PIN4: variants seen among roughly 807,000 people sequenced by gnomAD.
PIN4 encodes the protein peptidylprolyl cis/trans isomerase, NIMA-interacting 4, also known as peptidyl-prolyl cis-trans isomerase NIMA-interacting 4.
PIN4 carries 3 observed loss-of-function variants against 8.3 expected under a neutral mutation model. That is an observed-to-expected ratio of 0.36 (90% CI 0.16 to 0.93). The LOEUF (loss-of-function observed/expected upper bound fraction) is 0.93. PIN4 is among the 40% of genes least tolerant of loss of function. The pLI is 0.44. For missense variants in PIN4, 75 were observed against 100.6 expected, an observed-to-expected ratio of 0.75 and a Z score of 1.09; for synonymous variants, 18 against 32.5, an observed-to-expected ratio of 0.55 and a Z score of 1.52.
chrX:72,185,147 CAAAAA>C (rs746215043), intron 1 of PIN4, among the ~76,000 whole-genome samples: 1 of 24,449 alleles, frequency 4.1e-5, no homozygotes, highest in Non-Finnish European at 7.8e-5. Context: ...GACTCCGTCT[CAAAAA>C]AAAAAAAAAA....
In PIN4 at chrX:72,215,804, G is replaced by A. The variant is rs192906831; in HGVS notation, c.312+18900G>A. On this transcript the variant is annotated intron_variant, in intron 3 of 3. Transcript: ENST00000423432. Reference sequence around the variant, plus strand: ...CCTTTCTGCTGTGCTTAAAACCACTGATAACTACATCCCTCCTGAAGTTTT... The same window carrying A: ...CCTTTCTGCTGTGCTTAAAACCACTAATAACTACATCCCTCCTGAAGTTTT... Among the ~76,000 whole-genome samples the A allele has an allele frequency of 1.1e-4, 12 of 110,856 alleles. No homozygotes were observed. The East Asian group carries it at 3.4e-3, about 32-fold the overall frequency.
intron 3 of PIN4, among the ~76,000 whole-genome samples, chrX:72,225,086 G>T (rs1016465792): frequency 3.6e-5 from 4 of 111,608 alleles, no homozygotes; most frequent in Non-Finnish European, 7.5e-5. Context: ...TTATCCTATT[G>T]TTCCCAAACC....
chrX:72,253,622 C>T (rs1453783470), intron 3 of PIN4, among the ~76,000 whole-genome samples: 1 of 108,955 alleles, frequency 9.2e-6, no homozygotes, highest in Non-Finnish European at 1.9e-5. Context: ...AACACTCCAT[C>T]TCAAAAAAAG....
intron 2 of PIN4, among the ~76,000 whole-genome samples, chrX:72,193,395 G>T (rs1310427024): frequency 9.1e-6 from 1 of 110,240 alleles, no homozygotes; most frequent in Admixed American, 9.8e-5. Context: ...ATTATCATAG[G>T]AGATGACAGT....
At chrX:72,254,217 C>T (rs2043099694) in intron 3 of PIN4, among the ~76,000 whole-genome samples, 2 of 111,510 alleles carry the variant, frequency 1.8e-5, no homozygotes, top group Non-Finnish European at 3.8e-5. Context: ...TTTGAACAAC[C>T]ATGCCCATTT....
At chrX:72,261,837 C>G (rs976562615) in intron 3 of PIN4, among the ~76,000 whole-genome samples, 5 of 111,656 alleles carry the variant, frequency 4.5e-5, no homozygotes, top group Non-Finnish European at 9.4e-5. Flanking sequence ...ATCTCTCCAG[C>G]CTCGCCTCTC....
chrX:72,261,026 G>A (rs900189298), intron 3 of PIN4, among the ~76,000 whole-genome samples: 2 of 111,700 alleles, frequency 1.8e-5, no homozygotes, highest in African/African-American at 3.3e-5. Context: ...AGCCGGGCGC[G>A]GTGGCTCATG....
At chrX:72,205,473 A>G in intron 3 of PIN4, 5 of 1,211,539 alleles carry the variant, frequency 4.1e-6, no homozygotes, top group Non-Finnish European at 5.6e-6. Context: ...TATTAATAAG[A>G]GACCTCCTAG....
intron 2 of PIN4, among the ~76,000 whole-genome samples, chrX:72,191,905 A>C (rs2042736361): frequency 9.3e-6 from 1 of 107,518 alleles, no homozygotes; most frequent in African/African-American, 3.4e-5. Context: ...CTTTCCCTTC[A>C]TTCCGAAAAT....
chrX:72,235,490 G>A (rs1377506296), intron 3 of PIN4, among the ~76,000 whole-genome samples: 3 of 108,165 alleles, frequency 2.8e-5, no homozygotes, highest in African/African-American at 6.8e-5. Flanking sequence ...CCACCTCCTG[G>A]GTTCAAGCAA....
At chrX:72,208,134 T>C (rs779662839) in intron 3 of PIN4, 4 of 1,209,940 alleles carry the variant, frequency 3.3e-6, no homozygotes, top group Non-Finnish European at 4.5e-6. Context: ...AGCTTGAAAG[T>C]TGCTGCCAGT....
At chrX:72,218,994 G>A (rs76279490) in intron 3 of PIN4, among the ~76,000 whole-genome samples, 3 of 112,765 alleles carry the variant, frequency 2.7e-5, no homozygotes, top group Admixed American at 9.4e-5. Flanking sequence ...AGTGGCCCAC[G>A]CCTGTGATCC....
chrX:72,228,262 G>A (rs1182910549), intron 3 of PIN4, among the ~76,000 whole-genome samples: 6 of 112,124 alleles, frequency 5.4e-5, no homozygotes, highest in Non-Finnish European at 1.1e-4. Context: ...AGTAAAAATG[G>A]CCTTGCTGAG....
intron 3 of PIN4, chrX:72,238,740 G>A (rs1485691929): frequency 1.3e-6 from 1 of 759,857 alleles, no homozygotes; most frequent in Non-Finnish European, 1.9e-6. Flanking sequence ...CGTCTCAAAA[G>A]GCTCCGCCTC....
downstream of PIN4, among the ~76,000 whole-genome samples, chrX:72,200,376 A>C (rs974694125): frequency 3.6e-5 from 4 of 111,739 alleles, no homozygotes; most frequent in African/African-American, 1.3e-4. Context: ...TAAAGTTCAG[A>C]AAGTTTAACA....
rs2042757603 is a variant in PIN4 at position 72,195,115 on chromosome X, C to T, written c.118-1670C>T. ...CTCATGTTTCCCTGTAGTTAAGTGA[C>T]GCGTGACTATAAGTGATTCTATTTG... On this transcript the variant is annotated intron_variant, in intron 2 of 3. Transcript: ENST00000373669. 4.5e-5 allele frequency among the ~76,000 whole-genome samples: 5 copies of T among 112,102 alleles called. No individual in the cohort carries two copies. In the South Asian group the frequency reaches 1.8e-3, roughly 41 times the overall value.
chrX:72,255,092 G>T (rs61144884), intron 3 of PIN4, among the ~76,000 whole-genome samples: 7,984 of 108,157 alleles, frequency 0.074, 498 homozygotes, highest in East Asian at 0.47. Context: ...CGAGGCGGGT[G>T]GGGGCAGAGC....
chrX:72,186,313 G>A (rs759997469), intron 1 of PIN4, 148 bp from the exon 2 acceptor site: 2 of 517,611 alleles, frequency 3.9e-6, no homozygotes, highest in Admixed American at 5.4e-5. Context: ...AAGCTGAAAG[G>A]TTGGATACCC....
At chrX:72,183,167 C>T in intron 1 of PIN4, among the ~76,000 whole-genome samples, 1 of 111,625 alleles carries the variant, frequency 9.0e-6, no homozygotes, top group African/African-American at 3.3e-5. Context: ...GTTGCTGGTC[C>T]TGCAGGGTAA....
Sources: gnomAD v4.1 joint callset for allele counts (sites outside exome capture counted in the v4.1 genomes callset) on GRCh38, gnomAD v4.1.1 for gene constraint, MANE v1.5 for transcripts, NCBI Gene and HGNC (gene_info 2026-07-23, HGNC 2026-07-21) for gene names.